GPC5: variants seen among roughly 807,000 people sequenced by gnomAD.
The protein encoded by GPC5 is glypican-5.
In GPC5, 47 loss-of-function variants were observed where a neutral mutation model predicts 53.9. That is an observed-to-expected ratio of 0.87 (90% CI 0.69 to 1.11). The LOEUF (loss-of-function observed/expected upper bound fraction) is 1.11, where lower values mean the gene tolerates loss of function less well. GPC5 is among the 50% of genes most tolerant of loss of function. The pLI, the probability that GPC5 is intolerant of heterozygous loss-of-function variation, is 0.00. For missense variants in GPC5, 748 were observed against 713.1 expected (o/e 1.05, Z -0.56); for synonymous variants, 286 against 263.3 (o/e 1.09, Z -0.84).
rs1885198719 is a variant in GPC5, at chr13:91,510,895, G to A, written c.325+61973G>A. On this transcript the variant is annotated intron_variant, in intron 2 of 7. Transcript: ENST00000377067. ...TTTAATGTCTTTCTATCCTACTGGA[G>A]AATTAATGAGGCTTATCTTATTCAT... Among the ~76,000 whole-genome samples, 4 of 152,052 alleles carry A rather than the reference G, an allele frequency of 2.6e-5. No homozygotes were observed. In the South Asian group the frequency reaches 8.3e-4, roughly 32 times the overall value.
At chr13:92,225,081 TG>T (rs201638703) in intron 7 of GPC5, among the ~76,000 whole-genome samples, 5,920 of 152,214 alleles carry the variant, frequency 0.039, 406 homozygotes, top group African/African-American at 0.13. Flanking sequence ...CCATACCACC[TG>T]TTGCCCCATA....
At chr13:92,599,805 CTT>C (rs921036323) in intron 7 of GPC5, among the ~76,000 whole-genome samples, 4 of 23,954 alleles carry the variant, frequency 1.7e-4, no homozygotes, top group Admixed American at 7.1e-4. Flanking sequence ...TAAATTAAGA[CTT>C]TTTTTTTGTA....
intron 7 of GPC5, among the ~76,000 whole-genome samples, chr13:92,636,847 G>A (rs1029654805): frequency 7.9e-5 from 12 of 152,020 alleles, no homozygotes; most frequent in Admixed American, 2.0e-4. Flanking sequence ...AACTTAGTAC[G>A]TGGAAAACTG....
At chr13:91,981,313 G>A (rs572284567) in intron 6 of GPC5, among the ~76,000 whole-genome samples, 3 of 149,914 alleles carry the variant, frequency 2.0e-5, no homozygotes, top group East Asian at 3.9e-4. Context: ...TTTTTGAGAC[G>A]GAGTCTCGCT....
intron 7 of GPC5, among the ~76,000 whole-genome samples, chr13:92,801,849 C>T (rs1876919575): frequency 6.6e-6 from 1 of 151,616 alleles, no homozygotes; most frequent in South Asian, 2.1e-4. Context: ...TTTTGTACAA[C>T]TATACAATGT....
At chr13:92,371,288 T>A (rs142812905) in intron 7 of GPC5, among the ~76,000 whole-genome samples, 176 of 152,364 alleles carry the variant, frequency 1.2e-3, no homozygotes, top group Middle Eastern at 3.4e-3. Flanking sequence ...GGATTTTGGC[T>A]TCCATATTCT....
At chr13:91,934,072 A>T (rs1370421851) in intron 6 of GPC5, among the ~76,000 whole-genome samples, 1 of 151,798 alleles carries the variant, frequency 6.6e-6, no homozygotes. Flanking sequence ...AAGTCTTAGG[A>T]TTTAAAAGTT....
intron 2 of GPC5, among the ~76,000 whole-genome samples, chr13:91,554,124 T>C (rs1312536263): frequency 6.6e-6 from 1 of 152,070 alleles, no homozygotes; most frequent in Non-Finnish European, 1.5e-5. Flanking sequence ...AACTGGACCT[T>C]CTAGTTTGCA....
intron 7 of GPC5, among the ~76,000 whole-genome samples, chr13:92,462,656 A>G (rs1329474171): frequency 1.3e-5 from 2 of 151,672 alleles, no homozygotes; most frequent in Non-Finnish European, 2.9e-5. Context: ...CCAAATTTAG[A>G]TGGTATTTAA....
At chr13:91,542,275 G>A (rs1165086075) in intron 2 of GPC5, among the ~76,000 whole-genome samples, 3 of 151,944 alleles carry the variant, frequency 2.0e-5, no homozygotes, top group African/African-American at 7.3e-5. Flanking sequence ...AATAATCCAG[G>A]CTTCTCCTAT....
chr13:92,029,433 G>T (rs1232739735), intron 6 of GPC5, among the ~76,000 whole-genome samples: 1 of 152,166 alleles, frequency 6.6e-6, no homozygotes, highest in African/African-American at 2.4e-5. Context: ...AGGGTCATCT[G>T]CAAGTTTCAT....
intron 4 of GPC5, among the ~76,000 whole-genome samples, chr13:91,742,753 G>A (rs1484967870): frequency 6.6e-6 from 1 of 152,106 alleles, no homozygotes; most frequent in Non-Finnish European, 1.5e-5. Flanking sequence ...TTAATTCGGG[G>A]AGCATGACAT....
At chr13:91,417,531 A>T (rs559208258) in intron 1 of GPC5, among the ~76,000 whole-genome samples, 71 of 152,196 alleles carry the variant, frequency 4.7e-4, no homozygotes, top group Non-Finnish European at 9.8e-4. Context: ...GGTCGAGGTA[A>T]GGGAAAGATT....
intron 6 of GPC5, among the ~76,000 whole-genome samples, chr13:91,926,205 C>T (rs1006453303): frequency 6.6e-6 from 1 of 151,554 alleles, no homozygotes; most frequent in African/African-American, 2.4e-5. Context: ...ACTAAAAATA[C>T]AAAAAATTAG....
intron 2 of GPC5, among the ~76,000 whole-genome samples, chr13:91,597,246 A>G (rs2033027581): frequency 6.6e-6 from 1 of 152,158 alleles, no homozygotes; most frequent in South Asian, 2.1e-4. Flanking sequence ...AGTGTCTGTT[A>G]TTCAATCTTG....
In GPC5 at chr13:92,014,951, T is replaced by G. The variant is rs188959326; in HGVS notation, c.1401+106894T>G. ...GAAGAGTTTGGGTGGCTGATTTGAGTGATGAAGTTGATGTGTATATTTGGG... is the reference window on the plus strand; with the variant it reads ...GAAGAGTTTGGGTGGCTGATTTGAGGGATGAAGTTGATGTGTATATTTGGG... On this transcript the variant is annotated intron_variant, in intron 6 of 7. Coordinates refer to ENST00000377067, the MANE Select transcript of GPC5 (RefSeq NM_004466.6). Among the ~76,000 whole-genome samples, 8 of 152,070 alleles carry G rather than the reference T, an allele frequency of 5.3e-5. No individual in the cohort carries two copies. The East Asian group carries it at 1.5e-3, about 29-fold the overall frequency.
At chr13:91,729,976 T>TGGCC (rs2036659652) in intron 4 of GPC5, among the ~76,000 whole-genome samples, 2 of 152,212 alleles carry the variant, frequency 1.3e-5, no homozygotes, top group African/African-American at 4.8e-5. Context: ...TAAAAGTATC[T>TGGCC]ATCCTGGCCA....
intron 7 of GPC5, among the ~76,000 whole-genome samples, chr13:92,677,298 T>C: frequency 6.6e-6 from 1 of 152,178 alleles, no homozygotes; most frequent in East Asian, 1.9e-4. Context: ...TTTATTTATG[T>C]CACAAAAGAC....
chr13:91,828,261 C>T (rs2038604274), intron 5 of GPC5, among the ~76,000 whole-genome samples: 1 of 151,970 alleles, frequency 6.6e-6, no homozygotes, highest in South Asian at 2.1e-4. Flanking sequence ...AATATTTGTG[C>T]ATTTCACCCT....
Sources: gnomAD v4.1 joint callset for allele counts (sites outside exome capture counted in the v4.1 genomes callset) on GRCh38, gnomAD v4.1.1 for gene constraint, MANE v1.5 for transcripts, NCBI Gene and HGNC (gene_info 2026-07-23, HGNC 2026-07-21) for gene names.